CC2D2A: variants seen among roughly 807,000 people sequenced by gnomAD.
The protein encoded by CC2D2A is coiled-coil and C2 domain containing 2A, also known as coiled-coil and C2 domain-containing protein 2A.
CC2D2A carries 155 observed loss-of-function variants against 212.9 expected under a neutral mutation model. That is an observed-to-expected ratio of 0.73 (90% CI 0.64 to 0.83). CC2D2A has a LOEUF of 0.83. Ranked by LOEUF, CC2D2A falls within the 40% of genes least tolerant of loss-of-function variation. CC2D2A has a pLI of 0.00. For synonymous variants in CC2D2A, 667 were observed against 686.5 expected (o/e 0.97, Z 0.44); for missense variants, 1,856 against 1,956.2 (o/e 0.95, Z 0.97).
At chr4:15,555,454 C>A (rs1208554464) in intron 20 of CC2D2A, among the ~76,000 whole-genome samples, 1 of 152,086 alleles carries the variant, frequency 6.6e-6, no homozygotes, top group Non-Finnish European at 1.5e-5. Context: ...AAACTCTTAG[C>A]TCGGCCGGGC....
At chr4:15,471,790 G>A (rs1268987142) in intron 1 of CC2D2A, among the ~76,000 whole-genome samples, 1 of 152,006 alleles carries the variant, frequency 6.6e-6, no homozygotes, top group Non-Finnish European at 1.5e-5. Context: ...CCTGGAGTAG[G>A]GCATATATAT....
chr4:15,480,487 C>T (rs1013810177), intron 3 of CC2D2A, among the ~76,000 whole-genome samples: 3 of 152,140 alleles, frequency 2.0e-5, no homozygotes, highest in Admixed American at 2.0e-4. Flanking sequence ...TATTTGGGGA[C>T]GCCTTGATAA....
At chr4:15,560,279 G>A (rs1298769330) in intron 22 of CC2D2A, among the ~76,000 whole-genome samples, 2 of 152,036 alleles carry the variant, frequency 1.3e-5, no homozygotes, top group Non-Finnish European at 2.9e-5. Flanking sequence ...TTATATGCCG[G>A]GAACTTTACC....
intron 6 of CC2D2A, among the ~76,000 whole-genome samples, chr4:15,506,190 A>G (rs888652710): frequency 3.3e-4 from 50 of 152,222 alleles, no homozygotes; most frequent in African/African-American, 1.1e-3. Context: ...TTAAAATTTA[A>G]TTTAGCATGC....
intron 17 of CC2D2A, among the ~76,000 whole-genome samples, chr4:15,542,555 C>T (rs1387036480): frequency 6.6e-6 from 1 of 152,212 alleles, no homozygotes; most frequent in African/African-American, 2.4e-5. Flanking sequence ...TTCAGGTAGC[C>T]ACTACCTATT....
intron 14 of CC2D2A, among the ~76,000 whole-genome samples, chr4:15,534,244 T>C (rs1284539138): frequency 6.6e-6 from 1 of 152,222 alleles, no homozygotes; most frequent in East Asian, 1.9e-4. Context: ...GTGGTGTGTA[T>C]TGCAGATATC....
chr4:15,503,102 G>C (rs1209009678), intron 6 of CC2D2A, among the ~76,000 whole-genome samples, 179 bp downstream of exon 6: 1 of 151,848 alleles, frequency 6.6e-6, no homozygotes, highest in Non-Finnish European at 1.5e-5. Context: ...TTCAACACCA[G>C]CCTGGGCAAC....
chr4:15,533,099 CAAATT>C, intron 13 of CC2D2A, 89 bp from the exon 14 acceptor site: 3 of 1,013,146 alleles, frequency 3.0e-6, no homozygotes, highest in Non-Finnish European at 4.2e-6. Flanking sequence ...CGGTAGCTAT[CAAATT>C]GAATATACAA....
Position 15,480,874 on chromosome 4 carries a change from G to A in CC2D2A, c.247+47G>A, listed in dbSNP as rs185393524. 13 of 1,594,696 alleles carry A rather than the reference G, an allele frequency of 8.2e-6. No homozygotes were observed. The East Asian group carries it at 2.7e-4, about 33-fold the overall frequency. ...AGCTACTGCTTGTTAACTGCCTACT[G>A]TGAGCTCAGCACAGAGCAGTATAGG... On this transcript the variant is annotated intron_variant, in intron 4 of 36. Coordinates refer to ENST00000424120, the MANE Select transcript of CC2D2A (RefSeq NM_001378615.1).
intron 17 of CC2D2A, among the ~76,000 whole-genome samples, chr4:15,541,247 A>G (rs1016142816): frequency 1.3e-5 from 2 of 151,970 alleles, no homozygotes; most frequent in Admixed American, 1.3e-4. Context: ...TGAACCCAGG[A>G]GGTGGAGGTT....
chr4:15,520,329 G>A (rs1038575798), intron 11 of CC2D2A, among the ~76,000 whole-genome samples: 1 of 152,298 alleles, frequency 6.6e-6, no homozygotes, highest in South Asian at 2.1e-4. Context: ...GTAAAGATAA[G>A]TTCCAGCCCA....
chr4:15,546,266 T>C (rs766818386), intron 17 of CC2D2A, among the ~76,000 whole-genome samples: 4 of 152,212 alleles, frequency 2.6e-5, no homozygotes, highest in Non-Finnish European at 5.9e-5. Context: ...AAATTTGGCT[T>C]AGAAATTTAA....
chr4:15,588,427 T>C (rs1428428717), intron 32 of CC2D2A, among the ~76,000 whole-genome samples: 2 of 152,222 alleles, frequency 1.3e-5, no homozygotes, highest in Non-Finnish European at 2.9e-5. Context: ...TTTATTTTTA[T>C]ATTAACATTG....
At chr4:15,541,954 A>C (rs1011468670) in intron 17 of CC2D2A, among the ~76,000 whole-genome samples, 1 of 152,128 alleles carries the variant, frequency 6.6e-6, no homozygotes, top group Non-Finnish European at 1.5e-5. Context: ...AAAGCTCTAG[A>C]GGAGTATCTT....
chr4:15,566,033 A>C (rs532717813), intron 24 of CC2D2A, among the ~76,000 whole-genome samples: 2 of 152,356 alleles, frequency 1.3e-5, no homozygotes, highest in Non-Finnish European at 2.9e-5. Context: ...GAAAGGTGAT[A>C]GTCTATAGAA....
At chr4:15,496,956 A>C (rs1002001788) in intron 4 of CC2D2A, among the ~76,000 whole-genome samples, 2 of 152,236 alleles carry the variant, frequency 1.3e-5, no homozygotes, top group Admixed American at 1.3e-4. Flanking sequence ...CATGGATAAG[A>C]AGAACCAGTA....
At chr4:15,511,453 T>G in intron 8 of CC2D2A, 30 bp downstream of exon 8, 1 of 1,476,762 alleles carries the variant, frequency 6.8e-7, no homozygotes, top group East Asian at 2.6e-5. Flanking sequence ...TAATGAGGTG[T>G]GGGTGGAGGG....
At chr4:15,537,475 C>T (rs1718197722) in intron 15 of CC2D2A, among the ~76,000 whole-genome samples, 1 of 152,144 alleles carries the variant, frequency 6.6e-6, no homozygotes, top group South Asian at 2.1e-4. Context: ...GCACATGACC[C>T]TACAAAACTG....
chr4:15,594,591 G>T (rs1721237148), intron 33 of CC2D2A, among the ~76,000 whole-genome samples: 1 of 152,004 alleles, frequency 6.6e-6, no homozygotes, highest in South Asian at 2.1e-4. Flanking sequence ...GCCTCTTAAG[G>T]GTAGGCTCAG....
Sources: allele counts gnomAD v4.1 joint callset (sites outside exome capture counted in the v4.1 genomes callset), GRCh38; gene constraint gnomAD v4.1.1; transcripts MANE v1.5; gene names NCBI Gene and HGNC (gene_info 2026-07-23, HGNC 2026-07-21).